The following SEC16A variants were observed in gnomAD, a reference collection of about 807,000 sequenced individuals.
SEC16A encodes SEC16 homolog A, endoplasmic reticulum export factor.
SEC16A carries 110 observed loss-of-function variants against 221.9 expected under a neutral mutation model. That is an observed-to-expected ratio of 0.50 (90% CI 0.42 to 0.58). The LOEUF (loss-of-function observed/expected upper bound fraction) is 0.58. Among genes scored for constraint, SEC16A ranks in the 20% least tolerant of loss-of-function variants. The pLI is 0.00. For synonymous variants in SEC16A, 1,393 were observed against 1,257.7 expected (o/e 1.11, Z -2.28); for missense variants, 3,165 against 3,097.8 (o/e 1.02, Z -0.52).
At position 136,466,309 on chromosome 9, in the gene SEC16A, G is replaced by C. The variant is rs1271685843; in HGVS notation, c.4083C>G (p.His1361Gln). 5 of 1,569,514 alleles carry C rather than the reference G, an allele frequency of 3.2e-6. No homozygotes were observed. Among genetic ancestry groups the C allele is most frequent in the Non-Finnish European group, 4.3e-6 (5 of 1,158,106 alleles). The change falls in exon 7 of 32, where the codon CAC (histidine) becomes CAG (glutamine). Residue 1361 changes from histidine to glutamine, a missense_variant. Physicochemically the swap from His to Gln is conservative, Grantham distance 24 (BLOSUM62 0). Coordinates refer to ENST00000684901, the MANE Select transcript of SEC16A (RefSeq NM_014866.2). The surrounding 1 kb of genome is among the most constrained non-coding windows in gnomAD (Gnocchi z 5.5). Reference protein sequence around the residue: ...EHSARSLHSAHSLASRRSSLS... With the variant: ...EHSARSLHSAQSLASRRSSLS... ...GGCTGCTGCGGCGGCTGGCCAGGCT[G>C]TGTGCGCTGTGCAGGCTCCGTGCCG... is the stretch of plus-strand genomic sequence containing the variant.
chr9:136,446,991 C>T (rs376914483), intron 27 of SEC16A, 42 bp from the exon 28 acceptor site: 41 of 1,612,888 alleles, frequency 2.5e-5, no homozygotes, highest in Non-Finnish European at 2.5e-5. Context: ...CCGTCCCGAA[C>T]GTCCCTGGGG....
At position 136,477,505 on chromosome 9, in the gene SEC16A, A is replaced by C; in HGVS notation, c.111T>G (p.Asn37Lys). The C allele has an allele frequency of 1.2e-6, 2 of 1,613,906 alleles. No homozygotes were observed. The highest frequency in any genetic ancestry group is 2.2e-5 in the South Asian group (2 of 91,084). ...AAGTTGTCGGAGCCACTGCTGCATT[A>C]TTATTAGCCCGTCTCCTGTAAGGGC... The part of the protein sequence containing the change: ...ASSPYRRRAN[N>K]NAAVAPTTCP... Residue 37 changes from asparagine (N) to lysine (K), a missense_variant, in exon 3 of 32, where the codon AAT becomes AAG. Asn to Lys is a moderately conservative substitution (Grantham distance 94). This residue lies in a region of SEC16A where 2,030 missense variants were observed against 1,923.1 expected (regional missense o/e 1.06). Coordinates refer to ENST00000684901, the MANE Select transcript of SEC16A (RefSeq NM_014866.2).
At position 136,474,148 on chromosome 9, in the gene SEC16A, C is replaced by G. The variant is rs772714866; in HGVS notation, c.3468G>C (p.Leu1156=). 6.2e-7 allele frequency: 1 copy of G among 1,613,358 alleles called. No homozygotes were observed. Among genetic ancestry groups the G allele is most frequent in the South Asian group, 1.1e-5 (1 of 91,066 alleles). The stretch of plus-strand genomic sequence containing the variant: ...AAGGCCGGTAGTAGTAGTAGGCGGC[C>G]AGGTCCTGAGGCGGTGGGCCGGGGG... ...ALAPGPPPQD[L]AAYYYYRPLY... The change falls in exon 3 of 32, where the codon CTG becomes CTC. Residue 1156 remains leucine (L), a synonymous_variant. Coordinates refer to ENST00000684901, the MANE Select transcript of SEC16A (RefSeq NM_014866.2).
chr9:136,451,717 T>C (rs558596045), intron 22 of SEC16A, among the ~76,000 whole-genome samples: 2 of 152,114 alleles, frequency 1.3e-5, no homozygotes, highest in East Asian at 3.9e-4. Context: ...AGAAACGGAG[T>C]GTGAGCATGC....
rs752510860 is a variant in SEC16A, at chr9:136,452,449, C to CAAAAAAA, written c.6159+972_6159+978dup. On this transcript the variant is annotated intron_variant, in intron 22 of 31. Transcript: ENST00000684901. ...TGGGCGACAGAGAGAAACTCCATCT[C>CAAAAAAA]AAAAAAAAAAAAAAAAAAAAAAAAA... is the stretch of plus-strand genomic sequence containing the variant. 1.5e-3 allele frequency among the ~76,000 whole-genome samples: 34 copies of CAAAAAAA among 23,292 alleles called. 4 individuals are homozygous for CAAAAAAA. The highest frequency in any genetic ancestry group is 3.5e-3 in the African/African-American group (21 of 6,072). The allele number at this position is 23,292 out of a possible 152,430, so 15.3% of individuals were successfully genotyped here.
At position 136,441,479 on chromosome 9, in the gene SEC16A, C is replaced by T. The variant is rs1020495736; in HGVS notation, c.*276G>A. 5.9e-6 allele frequency: 3 copies of T among 506,854 alleles called. No individual in the cohort carries two copies. Among genetic ancestry groups the T allele is most frequent in the Non-Finnish European group, 1.1e-5 (3 of 277,436 alleles). The allele number at this position is 506,854 out of a possible 1,614,324, so 31.4% of individuals were successfully genotyped here. ...GACCAGGAATACTATATCCTTAAAT[C>T]ATCCTAAATGACTAAGAAAGTCACA... is the stretch of plus-strand genomic sequence containing the variant. On this transcript the variant is annotated 3_prime_UTR_variant, in exon 32 of 32. Transcript: ENST00000684901.
At position 136,457,510 on chromosome 9, in the gene SEC16A, G is replaced by A. The variant is rs1395823268; in HGVS notation, c.5484C>T (p.Ala1828=). The part of the protein sequence containing the change: ...LATQAFHYCE[A]IAKSILTQPH... ...GCTGCGTCAGGATGCTCTTCGCGAT[G>A]GCCTCACAGTAGTGGAAGGCTTGCG... is the stretch of plus-strand genomic sequence containing the variant. The change falls in exon 18 of 32, where the codon GCC becomes GCT. Residue 1828 remains alanine (A), a synonymous_variant. Transcript: ENST00000684901. The A allele has an allele frequency of 6.2e-7, 1 of 1,610,176 alleles. No individual in the cohort carries two copies. Among genetic ancestry groups the A allele is most frequent in the Admixed American group, 1.7e-5 (1 of 59,612 alleles).
At chr9:136,458,621 C>T (rs1322905336) in intron 17 of SEC16A, among the ~76,000 whole-genome samples, 1 of 136,454 alleles carries the variant, frequency 7.3e-6, no homozygotes, top group Non-Finnish European at 1.6e-5. Context: ...GAGCGAGACT[C>T]GGTCTCAAAA....
chr9:136,475,190 G>A lies in SEC16A; in HGVS notation c.2426C>T (p.Ser809Phe). The A allele has an allele frequency of 6.2e-7, 1 of 1,613,814 alleles. No homozygotes were observed. The highest frequency in any genetic ancestry group is 8.5e-7 in the Non-Finnish European group (1 of 1,179,858). ...TGAGGATAATAAACTTGCATAACCA[G>A]AACTCGCCTGGGACTGAAGGGCCTC... The part of the protein sequence containing the change: ...EEEALQSQAS[S>F]GYASLLSSPP... The change falls in exon 3 of 32, where the codon TCT (serine) becomes TTT (phenylalanine). Residue 809 changes from serine to phenylalanine, a missense_variant. By Grantham distance (155) the Ser-to-Phe change is radical (BLOSUM62 -2). Coordinates refer to ENST00000684901, the MANE Select transcript of SEC16A (RefSeq NM_014866.2). This position sits in a 1 kb window ranked among gnomAD's most constrained non-coding sequence, Gnocchi z 5.0.
At position 136,451,299 on chromosome 9, in the gene SEC16A, CTCTT is replaced by C; in HGVS notation, c.6265_6268del (p.Lys2089AspfsTer52). 3 of 1,613,374 alleles carry C rather than the reference CTCTT, an allele frequency of 1.9e-6. No homozygotes were observed. The highest frequency in any genetic ancestry group is 2.5e-6 in the Non-Finnish European group (3 of 1,179,658). The stretch of plus-strand genomic sequence containing the variant: ...TTCTTTCTTGGCTGCCTGTCCGGGT[CTCTT>C]TGTTTCGGGAGCGGGTGAGAGAGAC... On this transcript the variant is annotated frameshift_variant, in exon 23 of 32. Transcript: ENST00000684901. LOFTEE classifies it high-confidence loss of function.
intron 13 of SEC16A, 40 bp downstream of exon 13, chr9:136,461,137 G>A (rs1839423506): frequency 1.3e-6 from 2 of 1,513,210 alleles, no homozygotes; most frequent in African/African-American, 2.8e-5. Context: ...CAGGGAGCCA[G>A]CAGGGCTCGC....
intron 18 of SEC16A, 59 bp downstream of exon 18, chr9:136,457,385 C>T: frequency 2.0e-6 from 3 of 1,531,762 alleles, no homozygotes; most frequent in Non-Finnish European, 2.7e-6. Flanking sequence ...GGGGCTCTGG[C>T]AAGCCCTCCT....
intron 1 of SEC16A, among the ~76,000 whole-genome samples, chr9:136,481,969 G>A (rs1216364379): frequency 6.6e-6 from 1 of 152,070 alleles, no homozygotes; most frequent in Non-Finnish European, 1.5e-5. Flanking sequence ...ATGACCTCTT[G>A]CTGGATTTGG....
chr9:136,459,610 A>T lies in SEC16A; in HGVS notation c.5192-55T>A. ...GGGCTCAGCGACCGGGAGCGCTTGC[A>T]GAAGTCAAGGACGCGCACAGAAGGC... On this transcript the variant is annotated intron_variant, in intron 15 of 31. Coordinates refer to ENST00000684901, the MANE Select transcript of SEC16A (RefSeq NM_014866.2). This position sits in a 1 kb window ranked among gnomAD's most constrained non-coding sequence, Gnocchi z 6.1. 5.5e-6 allele frequency: 8 copies of T among 1,454,750 alleles called. No homozygotes were observed. The highest frequency in any genetic ancestry group is 7.5e-6 in the Non-Finnish European group (8 of 1,061,528). The allele number at this position is 1,454,750 out of a possible 1,614,324, so 90.1% of individuals were successfully genotyped here. A position where few individuals can be genotyped will look rare whatever the true frequency, so the allele number is the denominator to read the frequency against.
chr9:136,467,675 GT>G (rs1840326699), intron 5 of SEC16A, among the ~76,000 whole-genome samples: 1 of 152,146 alleles, frequency 6.6e-6, no homozygotes, highest in Non-Finnish European at 1.5e-5. Context: ...TTCAGCAAGT[GT>G]TTTTAGCAAG....
chr9:136,451,451 A>G (rs762312207), intron 22 of SEC16A, 43 bp from the exon 23 acceptor site: 2 of 1,540,324 alleles, frequency 1.3e-6, no homozygotes, highest in Non-Finnish European at 1.7e-6. Flanking sequence ...GGGGCTCCTC[A>G]CAGGAACCGA....
chr9:136,483,635 T>C (rs1842696517), upstream of SEC16A: 8 of 985,280 alleles, frequency 8.1e-6, no homozygotes, highest in Non-Finnish European at 9.6e-6. Context: ...AGAGATGGGA[T>C]TCTTCAATCA....
chr9:136,456,910 G>A (rs1433126981), intron 18 of SEC16A, among the ~76,000 whole-genome samples: 2 of 152,256 alleles, frequency 1.3e-5, no homozygotes, highest in Non-Finnish European at 2.9e-5. Flanking sequence ...GCTCACGCCT[G>A]TAATCCCAGC....
Position 136,448,086 on chromosome 9 carries a change from A to G in SEC16A, c.6388T>C (p.Ser2130Pro). The G allele has an allele frequency of 6.2e-7, 1 of 1,612,352 alleles. No individual in the cohort carries two copies. The highest frequency in any genetic ancestry group is 1.7e-4 in the Middle Eastern group (1 of 6,058). The change falls in exon 24 of 32, where the codon TCG (serine) becomes CCG (proline). Residue 2130 changes from serine to proline, a missense_variant and splice_region_variant. This residue lies in a region of SEC16A where 1,088 missense variants were observed against 1,089.6 expected (regional missense o/e 1.00). Coordinates refer to ENST00000684901, the MANE Select transcript of SEC16A (RefSeq NM_014866.2). The stretch of plus-strand genomic sequence containing the variant: ...CGTGCGTATTTGACAGCACTCACCG[A>G]TTTGTTCTTGTCATCTGGCAAATAA... Reference protein sequence around the residue: ...EAYLPDDKNKSIVWDEKKNQW... With the variant: ...EAYLPDDKNKPIVWDEKKNQW...
Sources: allele counts gnomAD v4.1 joint callset (sites outside exome capture counted in the v4.1 genomes callset), GRCh38; gene constraint gnomAD v4.1.1; regional missense constraint gnomAD v4.1.1; non-coding constraint Gnocchi (gnomAD v3.1); transcripts MANE v1.5; gene names NCBI Gene and HGNC (gene_info 2026-07-23, HGNC 2026-07-21).